Variants in GRID1 observed in about 807,000 individuals in gnomAD.
The protein encoded by GRID1 is glutamate ionotropic receptor delta type subunit 1, also known as glutamate receptor ionotropic, delta-1.
A neutral mutation model predicts 98.0 loss-of-function variants in GRID1; 28 were observed. The observed-to-expected ratio is 0.29, with a 90% CI of 0.21 to 0.39. The LOEUF (loss-of-function observed/expected upper bound fraction) is 0.39. GRID1 is among the 10% of genes least tolerant of loss of function. GRID1 has a pLI of 1.00. For synonymous variants in GRID1, 553 were observed against 538.5 expected (o/e 1.03, Z -0.37); for missense variants, 1,111 against 1,340.5 (o/e 0.83, Z 2.67).
At chr10:86,153,741 C>T (rs902192690) in intron 3 of GRID1, among the ~76,000 whole-genome samples, 1 of 152,162 alleles carries the variant, frequency 6.6e-6, no homozygotes, top group South Asian at 2.1e-4. Context: ...CCAAAACATG[C>T]CTGCTAAGCC....
intron 2 of GRID1, among the ~76,000 whole-genome samples, chr10:86,353,583 T>G (rs1292964352): frequency 6.6e-6 from 1 of 151,926 alleles, no homozygotes; most frequent in Non-Finnish European, 1.5e-5. Context: ...CTTTATCAGG[T>G]GCACAGTAGA....
chr10:85,643,711 C>T (rs1056417533), intron 13 of GRID1, among the ~76,000 whole-genome samples: 2 of 151,914 alleles, frequency 1.3e-5, no homozygotes, highest in Non-Finnish European at 2.9e-5. Context: ...TTGTCTAGTG[C>T]TGGCAGTCAG....
intron 12 of GRID1, among the ~76,000 whole-genome samples, chr10:85,692,534 G>T (rs541753259): frequency 1.1e-4 from 17 of 151,984 alleles, no homozygotes; most frequent in African/African-American, 4.1e-4. Context: ...GTGATGGCGT[G>T]TGCCTGTGGT....
chr10:86,265,812 C>G (rs1486651972), intron 2 of GRID1, among the ~76,000 whole-genome samples: 3 of 152,188 alleles, frequency 2.0e-5, no homozygotes, highest in African/African-American at 7.2e-5. Flanking sequence ...TCAATCTTCT[C>G]TGACAGTTAA....
At chr10:85,741,732 G>T (rs918112804) in intron 8 of GRID1, among the ~76,000 whole-genome samples, 1 of 151,584 alleles carries the variant, frequency 6.6e-6, no homozygotes, top group African/African-American at 2.4e-5. Context: ...ACTACAGTTG[G>T]GTCCTCCTTT....
intron 4 of GRID1, among the ~76,000 whole-genome samples, chr10:86,118,862 A>G (rs1844625369): frequency 6.6e-6 from 1 of 152,180 alleles, no homozygotes. Flanking sequence ...AGTTGAGGGG[A>G]ATTCTACAAA....
At chr10:86,124,462 C>A (rs1455451637) in intron 4 of GRID1, among the ~76,000 whole-genome samples, 2 of 152,130 alleles carry the variant, frequency 1.3e-5, no homozygotes, top group Non-Finnish European at 2.9e-5. Flanking sequence ...GTTTTGGGGG[C>A]TCCATCACAT....
chr10:86,123,245 T>C (rs1288312735), intron 4 of GRID1, among the ~76,000 whole-genome samples: 1 of 151,948 alleles, frequency 6.6e-6, no homozygotes. Flanking sequence ...AAAGCTACAA[T>C]CCAAACCTAG....
At chr10:86,350,167 G>A (rs1407094155) in intron 2 of GRID1, among the ~76,000 whole-genome samples, 2 of 152,240 alleles carry the variant, frequency 1.3e-5, no homozygotes, top group African/African-American at 4.8e-5. Context: ...GGCCAGAGCA[G>A]TGAGGTCAAG....
chr10:86,150,611 A>G (rs969338557), intron 3 of GRID1, among the ~76,000 whole-genome samples: 3 of 152,236 alleles, frequency 2.0e-5, no homozygotes, highest in East Asian at 1.9e-4. Flanking sequence ...GGCCAAACCA[A>G]TGATGGCGTA....
intron 8 of GRID1, among the ~76,000 whole-genome samples, chr10:85,808,369 T>C (rs1472610763): frequency 6.6e-6 from 1 of 152,124 alleles, no homozygotes; most frequent in Non-Finnish European, 1.5e-5. Context: ...AAGGAACAAT[T>C]TGAAATTAAA....
At chr10:86,349,453 C>T (rs556694432) in intron 2 of GRID1, among the ~76,000 whole-genome samples, 1 of 152,194 alleles carries the variant, frequency 6.6e-6, no homozygotes, top group African/African-American at 2.4e-5. Context: ...AGGCATGGGG[C>T]CTCCAGAACT....
intron 4 of GRID1, among the ~76,000 whole-genome samples, chr10:85,923,856 T>A (rs148440857): frequency 2.0e-5 from 3 of 152,292 alleles, no homozygotes; most frequent in South Asian, 2.1e-4. Flanking sequence ...GACTGGATAG[T>A]GGGGGCCTGG....
At chr10:86,112,671 C>T (rs892409377) in intron 4 of GRID1, among the ~76,000 whole-genome samples, 3 of 152,174 alleles carry the variant, frequency 2.0e-5, no homozygotes, top group Non-Finnish European at 4.4e-5. Context: ...TCACCTCCTC[C>T]TCGGCTCCTA....
At chr10:85,663,720 C>A (rs927690887) in intron 12 of GRID1, among the ~76,000 whole-genome samples, 1 of 152,174 alleles carries the variant, frequency 6.6e-6, no homozygotes, top group African/African-American at 2.4e-5. Context: ...CAGAGCCTGA[C>A]ACAATGTTAG....
intron 13 of GRID1, chr10:85,644,116 AGGGGT>A (rs1013336832): frequency 6.6e-6 from 1 of 152,160 alleles, no homozygotes; most frequent in African/African-American, 2.4e-5. Flanking sequence ...CAAAGAGGGA[AGGGGT>A]GGGTACTTGT....
At chr10:85,643,652 C>T (rs1843150457) in intron 13 of GRID1, among the ~76,000 whole-genome samples, 1 of 151,984 alleles carries the variant, frequency 6.6e-6, no homozygotes, top group South Asian at 2.1e-4. Context: ...CATTGTCTGA[C>T]AATACTATAA....
intron 13 of GRID1, among the ~76,000 whole-genome samples, chr10:85,633,075 A>G (rs1842993901): frequency 6.6e-6 from 1 of 152,094 alleles, no homozygotes; most frequent in South Asian, 2.1e-4. Flanking sequence ...TTATGGCTGT[A>G]GAGTATTCCA....
chr10:85,747,385 C>T (rs1842007434), intron 8 of GRID1, among the ~76,000 whole-genome samples: 1 of 152,126 alleles, frequency 6.6e-6, no homozygotes, highest in Non-Finnish European at 1.5e-5. Context: ...ACTGGGACTG[C>T]TGATGAAGCC....
Sources: gnomAD v4.1 joint callset for allele counts (sites outside exome capture counted in the v4.1 genomes callset) on GRCh38, gnomAD v4.1.1 for gene constraint, MANE v1.5 for transcripts, NCBI Gene and HGNC (gene_info 2026-07-23, HGNC 2026-07-21) for gene names.